The following PADI6 variants were observed in gnomAD, a reference collection of about 807,000 sequenced individuals.
PADI6 encodes the protein inactive protein-arginine deiminase type-6.
Under a neutral mutation model 78.2 loss-of-function variants are expected in PADI6, and 66 were observed. That is an observed-to-expected ratio of 0.84 (90% CI 0.69 to 1.04). The LOEUF (loss-of-function observed/expected upper bound fraction) is 1.04. Among genes scored for constraint, PADI6 ranks in the 50% least tolerant of loss-of-function variants. The pLI is 0.00. For missense variants in PADI6, 854 were observed against 866.1 expected, an observed-to-expected ratio of 0.99 and a Z score of 0.18; for synonymous variants, 397 against 346.9, an observed-to-expected ratio of 1.14 and a Z score of -1.60.
At chr1:17,390,932 A>C (rs2075175899) in intron 8 of PADI6, among the ~76,000 whole-genome samples, 1 of 152,146 alleles carries the variant, frequency 6.6e-6, no homozygotes, top group Admixed American at 6.5e-5. Context: ...GACCTGCAAG[A>C]CTGAGCCGAC....
chr1:17,393,338 T>C (rs1449845360), intron 9 of PADI6, among the ~76,000 whole-genome samples: 1 of 152,164 alleles, frequency 6.6e-6, no homozygotes, highest in African/African-American at 2.4e-5. Context: ...AAGACCCCTC[T>C]GGCTAAGATG....
intron 2 of PADI6, among the ~76,000 whole-genome samples, chr1:17,374,457 C>A (rs1453918643): frequency 6.6e-6 from 1 of 151,852 alleles, no homozygotes; most frequent in Non-Finnish European, 1.5e-5. Context: ...GAAACGCTGT[C>A]TCTACTAAAA....
intron 6 of PADI6, among the ~76,000 whole-genome samples, chr1:17,383,529 G>A (rs528835535): frequency 6.6e-6 from 1 of 152,346 alleles, no homozygotes; most frequent in East Asian, 1.9e-4. Context: ...GTGGATCATA[G>A]CGAACTACCG....
At chr1:17,382,992 A>G (rs2075087635) in intron 6 of PADI6, among the ~76,000 whole-genome samples, 1 of 152,200 alleles carries the variant, frequency 6.6e-6, no homozygotes, top group Non-Finnish European at 1.5e-5. Context: ...CACTTTGCCC[A>G]GACTGGTTTC....
chr1:17,377,386 C>T (rs945096276), intron 3 of PADI6, among the ~76,000 whole-genome samples: 1 of 152,162 alleles, frequency 6.6e-6, no homozygotes, highest in Non-Finnish European at 1.5e-5. Flanking sequence ...CAGAGGAGCT[C>T]TTCTCAGTCC....
intron 3 of PADI6, among the ~76,000 whole-genome samples, chr1:17,379,642 G>A (rs1284417149): frequency 6.6e-6 from 1 of 152,208 alleles, no homozygotes; most frequent in African/African-American, 2.4e-5. Context: ...CTTGGGTAGA[G>A]GCTGAAAGGC....
chr1:17,384,048 AC>A (rs971823987), intron 6 of PADI6, among the ~76,000 whole-genome samples: 22 of 151,732 alleles, frequency 1.4e-4, no homozygotes, highest in African/African-American at 5.1e-4. Flanking sequence ...TACTCAGGAG[AC>A]CAAGGCAGGA....
Position 17,395,561 on chromosome 1 carries a change from A to G in PADI6, c.1516A>G (p.Ser506Gly). Reference sequence around the variant, plus strand: ...CCAGGGCTTCCTGCTGCTCCTGGCCAGCCCCAGTGCCTGCTATAAACTGTT... The same window carrying G: ...CCAGGGCTTCCTGCTGCTCCTGGCCGGCCCCAGTGCCTGCTATAAACTGTT... ...GKKGFLLLLA[S>G]PSACYKLFRE... Residue 506 changes from serine to glycine, a missense_variant, in exon 13 of 16, where the codon AGC becomes GGC. By Grantham distance (56) the Ser-to-Gly change is moderately conservative (BLOSUM62 0). Transcript: ENST00000619609. 6.4e-7 allele frequency: 1 copy of G among 1,561,430 alleles called. No homozygotes were observed. The highest frequency in any genetic ancestry group is 2.4e-5 in the East Asian group (1 of 42,058).
rs767982192 is a variant in PADI6, at chr1:17,394,065, C to G, written c.1165C>G (p.Pro389Ala). ...TCAGGCCGCCGATCTCGATGAGTTC[C>G]CCATGAAGTACTCACTGGTGTGGAA... ...TPQAADLDEF[P>A]MKYSLSPGIG... is the part of the protein sequence containing the mutation. The change falls in exon 10 of 16, where the codon CCC becomes GCC. Residue 389 changes from proline to alanine, a missense_variant. Coordinates refer to ENST00000619609, the MANE Select transcript of PADI6 (RefSeq NM_207421.4). 6.2e-7 allele frequency: 1 copy of G among 1,613,764 alleles called. No individual in the cohort carries two copies.
chr1:17,401,588 C>G lies in PADI6; in HGVS notation c.*150C>G. 1 of 713,010 alleles carries G rather than the reference C, an allele frequency of 1.4e-6. No homozygotes were observed. The highest frequency in any genetic ancestry group is 2.3e-6 in the Non-Finnish European group (1 of 438,672). 44.2% of individuals were successfully genotyped at this position (713,010 alleles called of 1,614,324 possible). On this transcript the variant is annotated 3_prime_UTR_variant, in exon 16 of 16. Coordinates refer to ENST00000619609, the MANE Select transcript of PADI6 (RefSeq NM_207421.4). ...GTCTGCCCCGACCGACCCTCGGACC[C>G]AGTAGGATGGCAAATGCCGCCAGCT...
At chr1:17,378,130 C>T (rs2075036646) in intron 3 of PADI6, among the ~76,000 whole-genome samples, 1 of 152,158 alleles carries the variant, frequency 6.6e-6, no homozygotes, top group African/African-American at 2.4e-5. Context: ...TCCTTTAGGT[C>T]TCTTTTCAAA....
Position 17,379,111 on chromosome 1 carries a change from A to ATTTTTTTTTTTTTTTTTTTTTTTTTT in PADI6, c.368-788_368-787insTTTTTTTTTTTTTTTTTTTTTTTTTT, listed in dbSNP as rs144547124. On this transcript the variant is annotated intron_variant, in intron 3 of 15. Coordinates refer to ENST00000619609, the MANE Select transcript of PADI6 (RefSeq NM_207421.4). ...AGGTACCCTCCACCATGCCCAGTTA[A>ATTTTTTTTTTTTTTTTTTTTTTTTTT]TTTTTTTTTTTTTTTTTTTTTAAGA... Among the ~76,000 whole-genome samples the ATTTTTTTTTTTTTTTTTTTTTTTTTT allele has an allele frequency of 6.0e-5, 6 of 100,808 alleles. 1 individual carries two copies. The highest frequency in any genetic ancestry group is 1.2e-4 in the African/African-American group (2 of 17,326). 66.1% of individuals were successfully genotyped at this position (100,808 alleles called of 152,430 possible). A position where few individuals can be genotyped will look rare whatever the true frequency, so the allele number is the denominator to read the frequency against.
At chr1:17,373,001 C>T in intron 1 of PADI6, 55 bp from the exon 2 acceptor site, 3 of 1,557,560 alleles carry the variant, frequency 1.9e-6, no homozygotes, top group Non-Finnish European at 1.7e-6. Context: ...CCAGTCATCT[C>T]CTAGGCTGAG....
At chr1:17,379,153 C>A (rs1570126360) in intron 3 of PADI6, among the ~76,000 whole-genome samples, 1 of 128,380 alleles carries the variant, frequency 7.8e-6, no homozygotes, top group Admixed American at 7.6e-5. Flanking sequence ...CTCGCTGTCG[C>A]CCAGGCTGGA....
At chr1:17,400,233 G>A (rs542464233) in intron 15 of PADI6, among the ~76,000 whole-genome samples, 12 of 151,062 alleles carry the variant, frequency 7.9e-5, no homozygotes, top group African/African-American at 2.2e-4. Context: ...ACATTCTGGG[G>A]CTGGGCGTGG....
rs768246834 is a variant in PADI6, at chr1:17,382,128, T to C, written c.679+36T>C. On this transcript the variant is annotated intron_variant, in intron 6 of 15. Transcript: ENST00000619609. ...TTGTGCCAGCTCCAGCTTTGCCTGC[T>C]CTCGACGTGCCAGGCAAGTTGTGCC... is the stretch of plus-strand genomic sequence containing the variant. The C allele has an allele frequency of 2.5e-6, 4 of 1,608,050 alleles. No homozygotes were observed. In the South Asian group the frequency reaches 4.4e-5, roughly 18 times the overall value.
At chr1:17,378,731 A>G (rs559256614) in intron 3 of PADI6, among the ~76,000 whole-genome samples, 11 of 151,816 alleles carry the variant, frequency 7.2e-5, no homozygotes, top group Non-Finnish European at 1.3e-4. Context: ...TAGCCTCCTG[A>G]GTAGCTGGAA....
chr1:17,376,771 T>A (rs2075022250), intron 3 of PADI6, among the ~76,000 whole-genome samples: 1 of 152,308 alleles, frequency 6.6e-6, no homozygotes, highest in East Asian at 1.9e-4. Context: ...TTCTCTAGAA[T>A]CTTCTCAAAT....
At chr1:17,395,401 AC>A in intron 12 of PADI6, 138 bp from the exon 13 acceptor site, 1 of 1,130,796 alleles carries the variant, frequency 8.8e-7, no homozygotes, top group South Asian at 1.6e-5. Flanking sequence ...ATGGAATTTC[AC>A]CATGTTGGCC....
Sources: allele counts gnomAD v4.1 joint callset (sites outside exome capture counted in the v4.1 genomes callset), GRCh38; gene constraint gnomAD v4.1.1; transcripts MANE v1.5; gene names NCBI Gene and HGNC (gene_info 2026-07-23, HGNC 2026-07-21).